ERI1: variants seen among roughly 807,000 people sequenced by gnomAD.
ERI1 encodes 3'-5' exoribonuclease 1.
In ERI1, 39 loss-of-function variants were observed where a neutral mutation model predicts 39.7. That is an observed-to-expected ratio of 0.98 (90% confidence interval 0.76 to 1.28). The LOEUF is 1.28. Ranked by LOEUF, ERI1 falls within the 50% of genes most tolerant of loss-of-function variation. The pLI is 0.00. For synonymous variants in ERI1, 204 were observed against 149.6 expected, an observed-to-expected ratio of 1.36 and a Z score of -2.65; for missense variants, 581 against 416.9, an observed-to-expected ratio of 1.39 and a Z score of -3.43.
intron 3 of ERI1, among the ~76,000 whole-genome samples, chr8:9,098,516 C>T (rs753685786): frequency 1.3e-5 from 2 of 152,010 alleles, no homozygotes; most frequent in Non-Finnish European, 2.9e-5. Context: ...AGTGAGACTC[C>T]ATCTCAACAA....
chr8:9,037,612 T>A (rs796404695), downstream of ERI1, among the ~76,000 whole-genome samples: 31 of 152,196 alleles, frequency 2.0e-4, no homozygotes, highest in African/African-American at 7.2e-4. Context: ...TAATTAGTGA[T>A]GGTAAAATGT....
chr8:9,083,132 C>T (rs942500590), intron 3 of ERI1, among the ~76,000 whole-genome samples: 9 of 152,188 alleles, frequency 5.9e-5, no homozygotes, highest in East Asian at 1.9e-4. Context: ...CCCAGCCAAA[C>T]AGAGCTTTTA....
intron 3 of ERI1, among the ~76,000 whole-genome samples, chr8:9,040,181 A>G (rs922744467): frequency 2.0e-5 from 3 of 152,158 alleles, no homozygotes; most frequent in Non-Finnish European, 4.4e-5. Context: ...AGAGTGATTT[A>G]TTTCTTGACA....
chr8:9,052,940 C>G (rs1798405044), intron 3 of ERI1, among the ~76,000 whole-genome samples: 1 of 152,178 alleles, frequency 6.6e-6, no homozygotes, highest in African/African-American at 2.4e-5. Flanking sequence ...GGCTCCACCC[C>G]TCAACCTCTG....
intron 3 of ERI1, among the ~76,000 whole-genome samples, chr8:9,076,614 C>A (rs528481026): frequency 1.3e-5 from 2 of 152,330 alleles, no homozygotes; most frequent in South Asian, 4.1e-4. Context: ...TTTAAATTAT[C>A]CATTGCCTTT....
intron 3 of ERI1, among the ~76,000 whole-genome samples, chr8:9,040,025 T>C (rs1797965933): frequency 6.6e-6 from 1 of 152,336 alleles, no homozygotes; most frequent in South Asian, 2.1e-4. Flanking sequence ...GTTTTGACTG[T>C]CCAAGGGTAT....
chr8:9,053,541 CTG>C (rs1055754550), intron 3 of ERI1, among the ~76,000 whole-genome samples: 2 of 152,188 alleles, frequency 1.3e-5, no homozygotes, highest in Admixed American at 6.5e-5. Context: ...TTATGGGAAA[CTG>C]TATGTGAATC....
At chr8:9,028,835 G>T (rs1008616078) in intron 6 of ERI1, among the ~76,000 whole-genome samples, 1 of 151,994 alleles carries the variant, frequency 6.6e-6, no homozygotes, top group Admixed American at 6.6e-5. Context: ...TGTTGGCCAG[G>T]CTGGTCTTGA....
chr8:9,073,464 T>TG (rs1767522312), intron 3 of ERI1, among the ~76,000 whole-genome samples: 1 of 152,048 alleles, frequency 6.6e-6, no homozygotes, highest in African/African-American at 2.4e-5. Flanking sequence ...AATAGAGCAT[T>TG]GTAAAGGAGA....
At chr8:9,023,226 A>G (rs1396543073) in intron 6 of ERI1, among the ~76,000 whole-genome samples, 1 of 151,748 alleles carries the variant, frequency 6.6e-6, no homozygotes, top group African/African-American at 2.4e-5. Flanking sequence ...TAAGAAACTG[A>G]GTCATTTGTC....
chr8:9,042,598 G>T (rs1798061120), intron 3 of ERI1, among the ~76,000 whole-genome samples: 1 of 152,136 alleles, frequency 6.6e-6, no homozygotes, highest in Non-Finnish European at 1.5e-5. Context: ...GGGCTTTGTG[G>T]CCCTGGAGGA....
intron 3 of ERI1, among the ~76,000 whole-genome samples, chr8:9,070,678 G>A (rs73662288): frequency 0.053 from 8,058 of 152,212 alleles, 343 homozygotes; most frequent in East Asian, 0.23. Flanking sequence ...GTCCACTTAC[G>A]CAGTGGAGTC....
At chr8:9,006,063 G>A (rs919690632) in intron 1 of ERI1, among the ~76,000 whole-genome samples, 2 of 152,214 alleles carry the variant, frequency 1.3e-5, no homozygotes, top group Admixed American at 6.5e-5. Context: ...TTACTGGTAC[G>A]GATGCTGATG....
chr8:9,047,575 T>G (rs1402488083), intron 3 of ERI1, among the ~76,000 whole-genome samples: 2 of 152,028 alleles, frequency 1.3e-5, no homozygotes, highest in African/African-American at 4.8e-5. Flanking sequence ...GGTGCATATC[T>G]GCAGTCCCAG....
chr8:9,041,190 C>G (rs1798006791), intron 3 of ERI1, among the ~76,000 whole-genome samples: 3 of 152,166 alleles, frequency 2.0e-5, no homozygotes, highest in Admixed American at 1.3e-4. Flanking sequence ...TTCCAAGCAA[C>G]AACGTATTAG....
At chr8:9,040,203 G>A (rs1797971697) in intron 3 of ERI1, among the ~76,000 whole-genome samples, 1 of 152,168 alleles carries the variant, frequency 6.6e-6, no homozygotes, top group Non-Finnish European at 1.5e-5. Flanking sequence ...GAGTCTTGGA[G>A]AGGGAAGTGG....
At chr8:9,017,748 A>G (rs1817461200) in intron 4 of ERI1, among the ~76,000 whole-genome samples, 1 of 152,148 alleles carries the variant, frequency 6.6e-6, no homozygotes, top group Non-Finnish European at 1.5e-5. Context: ...GACTGTTAAG[A>G]AAATGGTCCA....
downstream of ERI1, among the ~76,000 whole-genome samples, chr8:9,037,321 A>G (rs745652173): frequency 1.3e-5 from 2 of 152,206 alleles, no homozygotes; most frequent in Non-Finnish European, 2.9e-5. Flanking sequence ...CCAGGAAGTT[A>G]GCCCATCAGT....
rs182046689 is a variant in ERI1 at position 9,066,792 on chromosome 8, A to G, written n.299+46328A>G. ...GACAGGCGGGTGAGTTGAGAGGGAA[A>G]CAGCTGGCTGGTTTGTCTCTGTGGT... On this transcript the variant is annotated intron_variant and non_coding_transcript_variant, in intron 3 of 3. Transcript: ENST00000518663. 2.0e-4 allele frequency among the ~76,000 whole-genome samples: 31 copies of G among 152,104 alleles called. No individual in the cohort carries two copies. In the East Asian group the frequency reaches 5.8e-3, roughly 28 times the overall value.
Sources: gnomAD v4.1 joint callset for allele counts (sites outside exome capture counted in the v4.1 genomes callset) on GRCh38, gnomAD v4.1.1 for gene constraint, MANE v1.5 for transcripts, NCBI Gene and HGNC (gene_info 2026-07-23, HGNC 2026-07-21) for gene names.